CADM1: variants seen among roughly 807,000 people sequenced by gnomAD.
The protein encoded by CADM1 is cell adhesion molecule 1, also known as TSLC-1.
A neutral mutation model predicts 53.1 loss-of-function variants in CADM1; 15 were observed. That is an observed-to-expected ratio of 0.28 (90% CI 0.19 to 0.44). The LOEUF (loss-of-function observed/expected upper bound fraction) is 0.44. Ranked by LOEUF, CADM1 falls within the 20% of genes least tolerant of loss-of-function variation. The pLI is 1.00. For synonymous variants in CADM1, 281 were observed against 243.0 expected (o/e 1.16, Z -1.45); for missense variants, 434 against 611.3 (o/e 0.71, Z 3.06).
intron 1 of CADM1, among the ~76,000 whole-genome samples, chr11:115,308,694 T>C (rs565608345): frequency 1.3e-5 from 2 of 152,058 alleles, no homozygotes; most frequent in South Asian, 4.2e-4. Context: ...AGTATAATAG[T>C]AACACAGCAA....
intron 1 of CADM1, among the ~76,000 whole-genome samples, chr11:115,403,030 G>A (rs1947202921): frequency 6.6e-6 from 1 of 152,174 alleles, no homozygotes; most frequent in Non-Finnish European, 1.5e-5. Flanking sequence ...ATTACAAAGA[G>A]AAAAACAGTA....
chr11:115,293,799 C>A (rs1943973655), intron 1 of CADM1, among the ~76,000 whole-genome samples: 1 of 152,048 alleles, frequency 6.6e-6, no homozygotes, highest in Admixed American at 6.6e-5. Flanking sequence ...TAGTTTAAGT[C>A]CCAAATTCAA....
Position 115,173,356 on chromosome 11 carries a change from G to A in CADM1, c.*3118C>T, listed in dbSNP as rs11215397. 0.43 allele frequency: 64,709 copies of A among 152,158 alleles called. 15,012 individuals carry two copies. The highest frequency in any genetic ancestry group is 0.53 in the Non-Finnish European group (36,146 of 68,024). 9.4% of individuals were successfully genotyped at this position (152,158 alleles called of 1,614,324 possible). On this transcript the variant is annotated 3_prime_UTR_variant, in exon 12 of 12. Coordinates refer to ENST00000331581, the MANE Select transcript of CADM1 (RefSeq NM_001301043.2). ...GACAGCTCGCACACCTGCACAAATC[G>A]CTGAGTCCACGTGGGAGCCCAGACT...
In CADM1 at chr11:115,172,267, C is replaced by T. The variant is rs955057173; in HGVS notation, c.*4207G>A. Reference sequence around the variant, plus strand: ...AGATGCAATGAATGAGTACTCCCTACTGCTCCTTGCCCTCTGGCAGAGGCT... The same window carrying T: ...AGATGCAATGAATGAGTACTCCCTATTGCTCCTTGCCCTCTGGCAGAGGCT... On this transcript the variant is annotated 3_prime_UTR_variant, in exon 12 of 12. Transcript: ENST00000331581. The T allele has an allele frequency of 5.9e-5, 9 of 152,310 alleles. No homozygotes were observed. The highest frequency in any genetic ancestry group is 2.2e-4 in the African/African-American group (9 of 41,470). 9.4% of individuals were successfully genotyped at this position (152,310 alleles called of 1,614,324 possible). A position where few individuals can be genotyped will look rare whatever the true frequency, so the allele number is the denominator to read the frequency against.
chr11:115,391,019 A>G (rs1270985738), intron 1 of CADM1, among the ~76,000 whole-genome samples: 1 of 152,234 alleles, frequency 6.6e-6, no homozygotes, highest in African/African-American at 2.4e-5. Flanking sequence ...ATGACTGCCG[A>G]TAGCAAAGCA....
Position 115,396,908 on chromosome 11 carries a change from G to C in CADM1, c.124+107363C>G, listed in dbSNP as rs542851660. The C allele has an allele frequency of 3.3e-5, 5 of 151,766 alleles. No homozygotes were observed. In the South Asian group the frequency reaches 1.0e-3, roughly 32 times the overall value. 9.4% of individuals were successfully genotyped at this position (151,766 alleles called of 1,614,324 possible). On this transcript the variant is annotated intron_variant, in intron 1 of 11. Coordinates refer to ENST00000331581, the MANE Select transcript of CADM1 (RefSeq NM_001301043.2). ...AGTCTCTCTGTAAGTCAAAACCTTA[G>C]CATTATTTTAATGTACTGTGCTGTA...
At chr11:115,194,525 T>C (rs1033996082) in intron 9 of CADM1, among the ~76,000 whole-genome samples, 4 of 152,172 alleles carry the variant, frequency 2.6e-5, no homozygotes, top group Non-Finnish European at 4.4e-5. Context: ...CTTACCACAA[T>C]TGCATACTGA....
chr11:115,239,004 A>G (rs1287792422), intron 2 of CADM1, among the ~76,000 whole-genome samples: 1 of 152,130 alleles, frequency 6.6e-6, no homozygotes, highest in Non-Finnish European at 1.5e-5. Flanking sequence ...ATAGACAAAA[A>G]GAAAACAAAG....
chr11:115,254,272 C>T (rs572622847), intron 1 of CADM1, among the ~76,000 whole-genome samples: 20 of 152,136 alleles, frequency 1.3e-4, no homozygotes, highest in East Asian at 9.6e-4. Flanking sequence ...GGGTGCTAGG[C>T]GCTCTCACTT....
intron 1 of CADM1, among the ~76,000 whole-genome samples, chr11:115,305,277 G>C (rs182799032): frequency 6.6e-6 from 1 of 152,086 alleles, no homozygotes; most frequent in African/African-American, 2.4e-5. Context: ...CTGGACTCCT[G>C]CCTACGGGCG....
chr11:115,317,501 T>C (rs2135178721), intron 1 of CADM1, among the ~76,000 whole-genome samples: 1 of 152,324 alleles, frequency 6.6e-6, no homozygotes, highest in South Asian at 2.1e-4. Flanking sequence ...CGTTAATTGT[T>C]CATACTGAAG....
chr11:115,220,970 A>G (rs192529547), intron 5 of CADM1, among the ~76,000 whole-genome samples: 236 of 152,360 alleles, frequency 1.5e-3, no homozygotes, highest in African/African-American at 5.2e-3. Context: ...TTCATAAATC[A>G]AATGTTATAA....
At chr11:115,186,959 TG>T (rs1939589135) in intron 10 of CADM1, among the ~76,000 whole-genome samples, 1 of 152,236 alleles carries the variant, frequency 6.6e-6, no homozygotes, top group Admixed American at 6.5e-5. Flanking sequence ...TCTTGTTCAC[TG>T]CAGCATCCCT....
intron 1 of CADM1, among the ~76,000 whole-genome samples, chr11:115,289,885 G>A (rs187564915): frequency 2.3e-3 from 344 of 152,218 alleles, no homozygotes; most frequent in Middle Eastern, 0.02. Flanking sequence ...GTGAACCACC[G>A]CGCCCGGCCC....
intron 1 of CADM1, among the ~76,000 whole-genome samples, chr11:115,321,811 G>A (rs1944831592): frequency 6.6e-6 from 1 of 152,130 alleles, no homozygotes; most frequent in African/African-American, 2.4e-5. Flanking sequence ...TAGGGTTAGA[G>A]TGCTGCTTGA....
Position 115,236,754 on chromosome 11 carries a change from T to A in CADM1, c.424+1746A>T, listed in dbSNP as rs546261715. 2.9e-3 allele frequency among the ~76,000 whole-genome samples: 435 copies of A among 151,922 alleles called. 2 individuals are homozygous for A. Among genetic ancestry groups the A allele is most frequent in the Admixed American group, 8.3e-3 (127 of 15,252 alleles). ...TGTGTGCCTTTAGGAAAAAAAAAAA[T>A]TTAAAACAAAAGCATTCGGTATTTA... On this transcript the variant is annotated intron_variant, in intron 3 of 11. Transcript: ENST00000331581.
chr11:115,275,676 A>G (rs1242258326), intron 1 of CADM1, among the ~76,000 whole-genome samples: 1 of 152,150 alleles, frequency 6.6e-6, no homozygotes. Flanking sequence ...GAGATTTTAG[A>G]GGGGTTGGAG....
intron 9 of CADM1, among the ~76,000 whole-genome samples, chr11:115,196,150 T>C (rs1226920335): frequency 6.6e-6 from 1 of 152,156 alleles, no homozygotes; most frequent in Non-Finnish European, 1.5e-5. Context: ...AACACCTCTA[T>C]TACCTGCCAC....
intron 1 of CADM1, among the ~76,000 whole-genome samples, chr11:115,498,826 T>C (rs975262176): frequency 1.3e-5 from 2 of 152,154 alleles, no homozygotes; most frequent in African/African-American, 4.8e-5. Flanking sequence ...AGAGGGGCTG[T>C]ATCTTAGAAA....
Sources: gnomAD v4.1 joint callset for allele counts (sites outside exome capture counted in the v4.1 genomes callset) on GRCh38, gnomAD v4.1.1 for gene constraint, MANE v1.5 for transcripts, NCBI Gene and HGNC (gene_info 2026-07-23, HGNC 2026-07-21) for gene names.